KIF1B: variants seen among roughly 807,000 people sequenced by gnomAD.
KIF1B encodes the protein kinesin-like protein KIF1B.
A neutral mutation model predicts 241.9 loss-of-function variants in KIF1B; 76 were observed. The observed-to-expected ratio is 0.31, with a 90% CI of 0.26 to 0.38. The LOEUF is 0.38. KIF1B is among the 10% of genes least tolerant of loss of function. The pLI, the probability that KIF1B is intolerant of heterozygous loss-of-function variation, is 1.00. For synonymous variants in KIF1B, 750 were observed against 796.7 expected, an observed-to-expected ratio of 0.94 and a Z score of 0.99; for missense variants, 1,622 against 2,271.4, an observed-to-expected ratio of 0.71 and a Z score of 5.81.
chr1:10,369,075 T>C (rs1254194737), intron 44 of KIF1B, among the ~76,000 whole-genome samples: 1 of 152,208 alleles, frequency 6.6e-6, no homozygotes. Context: ...CTTACCTCTT[T>C]CATTTTTCTA....
At chr1:10,317,717 G>C (rs1651360582) in intron 22 of KIF1B, among the ~76,000 whole-genome samples, 1 of 151,002 alleles carries the variant, frequency 6.6e-6, no homozygotes, top group African/African-American at 2.5e-5. Context: ...TGTAGTCCCA[G>C]CTACTTGGGA....
intron 23 of KIF1B, among the ~76,000 whole-genome samples, chr1:10,320,560 C>T (rs536810085): frequency 6.6e-6 from 1 of 152,246 alleles, no homozygotes; most frequent in African/African-American, 2.4e-5. Flanking sequence ...TTAGGTTTTC[C>T]AGCATTTCTT....
At chr1:10,372,682 C>T (rs1490212356) in intron 45 of KIF1B, among the ~76,000 whole-genome samples, 6 of 128,822 alleles carry the variant, frequency 4.7e-5, no homozygotes, top group Non-Finnish European at 8.1e-5. Context: ...CAAGCTGGCG[C>T]GCAGCGGCGC....
In KIF1B at chr1:10,261,840, C is replaced by G. The variant is rs767858407; in HGVS notation, c.364-65C>G. The G allele has an allele frequency of 4.1e-6, 4 of 966,858 alleles. No homozygotes were observed. The Admixed American group carries it at 5.1e-5, about 12-fold the overall frequency. The allele number at this position is 966,858 out of a possible 1,614,324, so 59.9% of individuals were successfully genotyped here. The stretch of plus-strand genomic sequence containing the variant: ...GGACGTCTGGCTAATTCATTGAGCA[C>G]GCGTGGATGACTTAGTACTCCTCTC... On this transcript the variant is annotated intron_variant, in intron 4 of 48. Transcript: ENST00000676179.
At chr1:10,353,995 G>A (rs1372968182) in intron 38 of KIF1B, among the ~76,000 whole-genome samples, 1 of 152,134 alleles carries the variant, frequency 6.6e-6, no homozygotes, top group Admixed American at 6.5e-5. Context: ...TTTCCCTAGG[G>A]TACTTAGTAA....
At chr1:10,265,200 TTTTATTTATTTATTTATTTATTTATTTA>T (rs148747154) in intron 5 of KIF1B, among the ~76,000 whole-genome samples, 4 of 138,428 alleles carry the variant, frequency 2.9e-5, no homozygotes, top group Admixed American at 1.4e-4. Context: ...TTAAAATGGA[TTTTATTTATTTATTTATTTATTTATTTA>T]TTTATTTATT....
At chr1:10,349,705 T>C (rs1652720574) in intron 37 of KIF1B, among the ~76,000 whole-genome samples, 1 of 151,434 alleles carries the variant, frequency 6.6e-6, no homozygotes, top group Non-Finnish European at 1.5e-5. Flanking sequence ...AGAAACCCCA[T>C]GGCCAGAGTG....
At chr1:10,338,616 T>C (rs1186117652) in intron 31 of KIF1B, among the ~76,000 whole-genome samples, 2 of 152,258 alleles carry the variant, frequency 1.3e-5, no homozygotes, top group Non-Finnish European at 1.5e-5. Context: ...GTGACAATAA[T>C]AGTGAGTTGA....
chr1:10,335,499 C>T (rs1026550071), intron 28 of KIF1B, among the ~76,000 whole-genome samples: 1 of 152,086 alleles, frequency 6.6e-6, no homozygotes, highest in Non-Finnish European at 1.5e-5. Context: ...ATGATCTGCC[C>T]ACCTCGGCCT....
chr1:10,227,032 CTTTTTTTTTT>C (rs747870005), intron 1 of KIF1B, among the ~76,000 whole-genome samples: 2 of 112,942 alleles, frequency 1.8e-5, no homozygotes, highest in Admixed American at 1.0e-4. Flanking sequence ...GCAAGTCTCT[CTTTTTTTTTT>C]TTTTTTTTTT....
Position 10,380,561 on chromosome 1 carries a change from C to G in KIF1B, c.*3974C>G, listed in dbSNP as rs531591174. On this transcript the variant is annotated 3_prime_UTR_variant, in exon 49 of 49. Coordinates refer to ENST00000676179, the MANE Select transcript of KIF1B (RefSeq NM_001365951.3). Reference sequence around the variant, plus strand: ...TCTCTACTAAAAATACAAAAAGTAGCCAGGCGTGGTGGCGTGTGCCTGTAG... The same window carrying G: ...TCTCTACTAAAAATACAAAAAGTAGGCAGGCGTGGTGGCGTGTGCCTGTAG... 5 of 182,080 alleles carry G rather than the reference C, an allele frequency of 2.7e-5. No individual in the cohort carries two copies. Among genetic ancestry groups the G allele is most frequent in the African/African-American group, 1.2e-4 (5 of 42,572 alleles). The allele number at this position is 182,080 out of a possible 1,614,324, so 11.3% of individuals were successfully genotyped here. A position where few individuals can be genotyped will look rare whatever the true frequency, so the allele number is the denominator to read the frequency against.
At chr1:10,273,709 C>CAAAAAAAAAA (rs56349613) in intron 10 of KIF1B, among the ~76,000 whole-genome samples, 32 of 49,580 alleles carry the variant, frequency 6.5e-4, no homozygotes, top group African/African-American at 2.4e-3. Context: ...TCCTCCTCCT[C>CAAAAAAAAAA]AAAAAAAAAA....
intron 5 of KIF1B, among the ~76,000 whole-genome samples, chr1:10,267,023 C>CTTTCT (rs1553163617): frequency 2.0e-5 from 3 of 148,462 alleles, no homozygotes; most frequent in Admixed American, 6.7e-5. Context: ...TTCTTTCTTT[C>CTTTCT]TTTTTTTTTA....
intron 31 of KIF1B, among the ~76,000 whole-genome samples, chr1:10,339,329 C>A (rs1352006852): frequency 6.6e-6 from 1 of 152,146 alleles, no homozygotes; most frequent in East Asian, 1.9e-4. Flanking sequence ...GAAAGACTGC[C>A]TGGAAGAGGT....
intron 7 of KIF1B, among the ~76,000 whole-genome samples, chr1:10,271,104 T>C (rs991551169): frequency 6.6e-6 from 1 of 152,032 alleles, no homozygotes; most frequent in Admixed American, 6.5e-5. Flanking sequence ...TAGTAAATTA[T>C]GTCATGTTTA....
intron 34 of KIF1B, 22 bp from the exon 35 acceptor site, chr1:10,345,823 A>T (rs768213268): frequency 5.7e-6 from 9 of 1,589,728 alleles, no homozygotes. Context: ...AGATTTTGAC[A>T]TACTCTAAAA....
chr1:10,368,635 C>A, intron 44 of KIF1B, 97 bp downstream of exon 44: 3 of 1,017,152 alleles, frequency 2.9e-6, no homozygotes, highest in Non-Finnish European at 4.7e-6. Context: ...TGCTTTTAAG[C>A]AACTTGTCAT....
intron 2 of KIF1B, among the ~76,000 whole-genome samples, chr1:10,243,106 C>G (rs1020374325): frequency 6.6e-6 from 1 of 152,054 alleles, no homozygotes; most frequent in Non-Finnish European, 1.5e-5. Context: ...CTTGAGGAGG[C>G]AAAATGGGAG....
intron 44 of KIF1B, among the ~76,000 whole-genome samples, 175 bp downstream of exon 44, chr1:10,368,713 C>T (rs1001636451): frequency 1.3e-5 from 2 of 152,062 alleles, no homozygotes; most frequent in East Asian, 1.9e-4. Flanking sequence ...TTTCAGAGTC[C>T]GAACACTGAC....
Sources: gnomAD v4.1 joint callset for allele counts (sites outside exome capture counted in the v4.1 genomes callset) on GRCh38, gnomAD v4.1.1 for gene constraint, MANE v1.5 for transcripts, NCBI Gene and HGNC (gene_info 2026-07-23, HGNC 2026-07-21) for gene names.